GRM8: variants seen among roughly 807,000 people sequenced by gnomAD.
GRM8 encodes the protein glutamate metabotropic receptor 8, also known as metabotropic glutamate receptor 8.
GRM8 carries 47 observed loss-of-function variants against 87.2 expected under a neutral mutation model. The ratio of observed to expected loss-of-function variants is 0.54; its 90% CI spans 0.43 to 0.69. The LOEUF (loss-of-function observed/expected upper bound fraction) is 0.69, where lower values mean the gene tolerates loss of function less well. Among genes scored for constraint, GRM8 ranks in the 30% least tolerant of loss-of-function variants. GRM8 has a pLI of 0.00. For missense variants in GRM8, 1,019 were observed against 1,139.2 expected (o/e 0.89, Z 1.52); for synonymous variants, 396 against 404.5 (o/e 0.98, Z 0.25).
intron 6 of GRM8, among the ~76,000 whole-genome samples, chr7:126,824,607 T>A (rs1794595808): frequency 6.6e-6 from 1 of 152,222 alleles, no homozygotes; most frequent in Non-Finnish European, 1.5e-5. Flanking sequence ...GGCTCCAAGC[T>A]GTGGATCATT....
At chr7:127,079,828 G>A (rs17867755) in intron 3 of GRM8, among the ~76,000 whole-genome samples, 25,941 of 148,266 alleles carry the variant, frequency 0.17, 2,373 homozygotes, top group Non-Finnish European at 0.21. Flanking sequence ...TGGAGACTTC[G>A]TAGGTATTTT....
intron 7 of GRM8, among the ~76,000 whole-genome samples, chr7:126,711,181 A>T (rs369896402): frequency 2.0e-5 from 3 of 152,346 alleles, no homozygotes; most frequent in East Asian, 3.9e-4. Flanking sequence ...TCAAAAACAT[A>T]AAGTAAAATA....
At chr7:127,046,946 G>A (rs1818983816) in intron 3 of GRM8, among the ~76,000 whole-genome samples, 1 of 152,040 alleles carries the variant, frequency 6.6e-6, no homozygotes, top group Admixed American at 6.6e-5. Flanking sequence ...TATTTATCAG[G>A]TTAAGGAAGG....
intron 6 of GRM8, among the ~76,000 whole-genome samples, chr7:126,801,850 T>G (rs1262254897): frequency 6.6e-6 from 1 of 152,128 alleles, no homozygotes; most frequent in Non-Finnish European, 1.5e-5. Context: ...CAGATTTTAT[T>G]GCTTTGTACA....
chr7:127,187,421 C>T (rs544525829), intron 2 of GRM8, among the ~76,000 whole-genome samples: 4 of 151,754 alleles, frequency 2.6e-5, no homozygotes, highest in Admixed American at 6.6e-5. Flanking sequence ...GGTTTTTTAA[C>T]ATCTAAATTG....
chr7:126,891,244 C>G (rs1800973439), intron 6 of GRM8, among the ~76,000 whole-genome samples: 1 of 151,994 alleles, frequency 6.6e-6, no homozygotes, highest in Admixed American at 6.6e-5. Context: ...ATTAATATAT[C>G]CATCTACTTC....
At chr7:126,463,363 C>T (rs113895123) in intron 9 of GRM8, among the ~76,000 whole-genome samples, 3,127 of 151,620 alleles carry the variant, frequency 0.021, 111 homozygotes, top group African/African-American at 0.072. Flanking sequence ...GGTTAGTCAG[C>T]CCCTCTGACT....
At chr7:126,614,771 T>A (rs1799280225) in intron 7 of GRM8, among the ~76,000 whole-genome samples, 1 of 152,160 alleles carries the variant, frequency 6.6e-6, no homozygotes. Flanking sequence ...AGAAAGGGTA[T>A]CAGTGATTGA....
At chr7:126,697,047 A>C (rs185833596) in intron 7 of GRM8, among the ~76,000 whole-genome samples, 1 of 152,240 alleles carries the variant, frequency 6.6e-6, no homozygotes, top group African/African-American at 2.4e-5. Flanking sequence ...GCCTTTAAAA[A>C]AAAAAAGAAA....
chr7:126,849,679 C>T (rs1797025901), intron 6 of GRM8, among the ~76,000 whole-genome samples: 1 of 152,170 alleles, frequency 6.6e-6, no homozygotes, highest in Non-Finnish European at 1.5e-5. Context: ...TCACTGTCAG[C>T]TGATGATCTT....
At chr7:126,496,062 T>C (rs1056176073) in intron 9 of GRM8, among the ~76,000 whole-genome samples, 3 of 151,924 alleles carry the variant, frequency 2.0e-5, no homozygotes, top group Admixed American at 1.3e-4. Flanking sequence ...TTGATGAATG[T>C]TAGGGTGGGG....
intron 6 of GRM8, among the ~76,000 whole-genome samples, chr7:126,877,411 T>C (rs1385281378): frequency 6.6e-6 from 1 of 152,110 alleles, no homozygotes; most frequent in Non-Finnish European, 1.5e-5. Context: ...TTAAATAGAA[T>C]AAAAAATTCA....
At chr7:126,910,676 T>C (rs542110477) in intron 3 of GRM8, among the ~76,000 whole-genome samples, 1 of 152,322 alleles carries the variant, frequency 6.6e-6, no homozygotes, top group African/African-American at 2.4e-5. Context: ...TAGGCCTTAG[T>C]GTATTCATCT....
intron 7 of GRM8, among the ~76,000 whole-genome samples, chr7:126,625,335 A>T (rs1467643884): frequency 2.0e-5 from 3 of 152,206 alleles, no homozygotes; most frequent in African/African-American, 7.2e-5. Context: ...ACCTTGGCTA[A>T]AATACACAAT....
At chr7:126,481,354 A>T (rs1202458546) in intron 9 of GRM8, among the ~76,000 whole-genome samples, 1 of 152,090 alleles carries the variant, frequency 6.6e-6, no homozygotes, top group Non-Finnish European at 1.5e-5. Context: ...TCCTCCAAAT[A>T]AATATTTATC....
rs1170558942 is a variant in GRM8, at chr7:127,175,763, A to G, written c.510+66932T>C. The stretch of plus-strand genomic sequence containing the variant: ...CAAAATTGTTCTTCAAAAGTAAAAG[A>G]GAAGGACTTCCTTCATGCAAAAAAT... On this transcript the variant is annotated intron_variant, in intron 2 of 10. Transcript: ENST00000339582. Among the ~76,000 whole-genome samples the G allele has an allele frequency of 5.3e-5, 8 of 152,224 alleles. No individual in the cohort carries two copies. The South Asian group carries it at 6.2e-4, about 12-fold the overall frequency.
intron 6 of GRM8, among the ~76,000 whole-genome samples, chr7:126,788,836 T>A (rs2151666162): frequency 6.6e-6 from 1 of 152,142 alleles, no homozygotes; most frequent in African/African-American, 2.4e-5. Context: ...GGTCCATTGT[T>A]TTGTCTTCAG....
intron 8 of GRM8, among the ~76,000 whole-genome samples, chr7:126,601,561 G>A (rs1203123413): frequency 1.3e-5 from 2 of 150,420 alleles, no homozygotes. Context: ...GTGTAAAAGT[G>A]TTCCTATTTC....
At chr7:126,527,662 TC>T (rs1814073024) in intron 9 of GRM8, among the ~76,000 whole-genome samples, 1 of 152,202 alleles carries the variant, frequency 6.6e-6, no homozygotes, top group Non-Finnish European at 1.5e-5. Context: ...TTATTACTAA[TC>T]TCCAAACTAC....
Sources: gnomAD v4.1 joint callset for allele counts (sites outside exome capture counted in the v4.1 genomes callset) on GRCh38, gnomAD v4.1.1 for gene constraint, MANE v1.5 for transcripts, NCBI Gene and HGNC (gene_info 2026-07-23, HGNC 2026-07-21) for gene names.